TTC39B: variants seen among roughly 807,000 people sequenced by gnomAD.
TTC39B encodes the protein tetratricopeptide repeat protein 39B.
In TTC39B, 92 loss-of-function variants were observed where a neutral mutation model predicts 96.6. The observed-to-expected ratio is 0.95, with a 90% CI of 0.80 to 1.13. The LOEUF (loss-of-function observed/expected upper bound fraction) is 1.13, where lower values mean the gene tolerates loss of function less well. Among genes scored for constraint, TTC39B ranks in the 50% most tolerant of loss-of-function variants. The pLI is 0.00. For synonymous variants in TTC39B, 367 were observed against 299.4 expected (o/e 1.23, Z -2.33); for missense variants, 955 against 809.3 (o/e 1.18, Z -2.18).
chr9:15,272,968 A>G (rs889346650), intron 1 of TTC39B, among the ~76,000 whole-genome samples: 3 of 152,226 alleles, frequency 2.0e-5, no homozygotes, highest in African/African-American at 7.2e-5. Context: ...CCTCCAGATC[A>G]TAGAAACTGC....
At chr9:15,216,664 G>C (rs899154934) in intron 3 of TTC39B, among the ~76,000 whole-genome samples, 1 of 152,106 alleles carries the variant, frequency 6.6e-6, no homozygotes, top group Non-Finnish European at 1.5e-5. Flanking sequence ...GTTGCCTGGG[G>C]TCTATAGACC....
chr9:15,258,507 C>G (rs1822834470), intron 2 of TTC39B, among the ~76,000 whole-genome samples: 1 of 152,198 alleles, frequency 6.6e-6, no homozygotes, highest in Non-Finnish European at 1.5e-5. Flanking sequence ...GATTGGACCT[C>G]TTTCCCATTA....
intron 2 of TTC39B, among the ~76,000 whole-genome samples, chr9:15,243,015 A>C (rs1273710345): frequency 6.6e-6 from 1 of 152,202 alleles, no homozygotes; most frequent in Non-Finnish European, 1.5e-5. Flanking sequence ...GCACACCAAC[A>C]GTCCAGAAAT....
chr9:15,301,229 A>C (rs1824576367), intron 1 of TTC39B, among the ~76,000 whole-genome samples: 1 of 152,208 alleles, frequency 6.6e-6, no homozygotes, highest in South Asian at 2.1e-4. Flanking sequence ...TAGTGCAATT[A>C]CTGAAAGCGC....
chr9:15,300,891 CAAAAAA>C (rs71491658), intron 1 of TTC39B, among the ~76,000 whole-genome samples: 7 of 81,192 alleles, frequency 8.6e-5, no homozygotes, highest in East Asian at 1.0e-3. Context: ...AACTCCGTCT[CAAAAAA>C]AAAAAAAAAA....
chr9:15,207,569 G>C (rs914787285), intron 6 of TTC39B, among the ~76,000 whole-genome samples: 1 of 152,156 alleles, frequency 6.6e-6, no homozygotes, highest in Non-Finnish European at 1.5e-5. Context: ...GCTAGGTGGG[G>C]AATCCTGGCC....
At chr9:15,235,876 C>G (rs1245780456) in intron 2 of TTC39B, among the ~76,000 whole-genome samples, 4 of 152,120 alleles carry the variant, frequency 2.6e-5, no homozygotes, top group Non-Finnish European at 5.9e-5. Flanking sequence ...AAGTGCAAAG[C>G]TCACAGATCT....
chr9:15,170,512 T>C (rs1817613898), exon 20 of TTC39B: 1 of 152,144 alleles, frequency 6.6e-6, no homozygotes, highest in Non-Finnish European at 1.5e-5. Context: ...CAAAAAGCTA[T>C]CATATGTTTT....
chr9:15,164,229 A>G (rs1371261593), exon 20 of TTC39B: 3 of 152,244 alleles, frequency 2.0e-5, no homozygotes, highest in Non-Finnish European at 2.9e-5. Context: ...ATTGGAGACT[A>G]AAATGTAATG....
At chr9:15,179,405 T>C (rs186022818) in intron 17 of TTC39B, among the ~76,000 whole-genome samples, 371 of 152,242 alleles carry the variant, frequency 2.4e-3, no homozygotes, top group Non-Finnish European at 4.0e-3. Context: ...ACTATGGAGA[T>C]TAACAATGCT....
intron 13 of TTC39B, among the ~76,000 whole-genome samples, chr9:15,189,242 G>C (rs986010258): frequency 6.6e-6 from 1 of 152,150 alleles, no homozygotes; most frequent in African/African-American, 2.4e-5. Flanking sequence ...ACAGGGGCTA[G>C]ATTCCAAAGT....
At chr9:15,183,693 T>G (rs1426241310) in intron 16 of TTC39B, among the ~76,000 whole-genome samples, 2 of 152,170 alleles carry the variant, frequency 1.3e-5, no homozygotes, top group Non-Finnish European at 2.9e-5. Context: ...ACCTTCCCAG[T>G]GCAAATCACT....
In TTC39B at chr9:15,302,652, T is replaced by A. The variant is rs1824636816; in HGVS notation, c.240+4432A>T. 3.3e-5 allele frequency among the ~76,000 whole-genome samples: 5 copies of A among 149,376 alleles called. No homozygotes were observed. The Admixed American group carries it at 3.4e-4, about 10-fold the overall frequency. On this transcript the variant is annotated intron_variant, in intron 1 of 19. Coordinates refer to ENST00000512701, the Ensembl canonical transcript of TTC39B. ...TGAGGTCAGGAGTTCGAGACCGGCCTGGCCAACGTGCTGAAACTCTGTTTC... is the reference window on the plus strand; with the variant it reads ...TGAGGTCAGGAGTTCGAGACCGGCCAGGCCAACGTGCTGAAACTCTGTTTC...
chr9:15,290,630 G>A (rs1353535212), intron 1 of TTC39B, among the ~76,000 whole-genome samples: 1 of 152,232 alleles, frequency 6.6e-6, no homozygotes, highest in Non-Finnish European at 1.5e-5. Context: ...TACGTAAAAT[G>A]CAGATTTAAA....
At chr9:15,198,980 C>T (rs1795925365) in intron 8 of TTC39B, among the ~76,000 whole-genome samples, 2 of 152,128 alleles carry the variant, frequency 1.3e-5, no homozygotes, top group African/African-American at 4.8e-5. Context: ...AAGGTTAATT[C>T]ATTAGGAAGA....
At chr9:15,211,229 T>C in intron 5 of TTC39B, 37 bp downstream of exon 5, 1 of 1,414,228 alleles carries the variant, frequency 7.1e-7, no homozygotes, top group Non-Finnish European at 9.3e-7. Context: ...CATAAAAGTT[T>C]GCAGTCACAT....
exon 20 of TTC39B, chr9:15,170,009 A>G (rs1817598341): frequency 6.6e-6 from 1 of 152,118 alleles, no homozygotes; most frequent in Admixed American, 6.6e-5. Context: ...ATGTTACCAA[A>G]GCTCTTCTAA....
rs536470578 is a variant in TTC39B at position 15,293,583 on chromosome 9, G to A, written c.240+13501C>T. ...ACCTACTGAGCAAGAATCGCTGGCG[G>A]TGAGACACAGGGATGTGCATTGTAA... On this transcript the variant is annotated intron_variant, in intron 1 of 19. Transcript: ENST00000512701. Among the ~76,000 whole-genome samples, 11 of 147,698 alleles carry A rather than the reference G, an allele frequency of 7.4e-5. 1 individual carries two copies. In the South Asian group the frequency reaches 2.4e-3, roughly 32 times the overall value.
intron 8 of TTC39B, among the ~76,000 whole-genome samples, chr9:15,195,539 G>T (rs373827325): frequency 6.6e-6 from 1 of 151,580 alleles, no homozygotes; most frequent in Non-Finnish European, 1.5e-5. Context: ...GCACGGTGGC[G>T]CACACCTGTA....
Sources: gnomAD v4.1 joint callset for allele counts (sites outside exome capture counted in the v4.1 genomes callset) on GRCh38, gnomAD v4.1.1 for gene constraint, MANE v1.5 for transcripts, NCBI Gene and HGNC (gene_info 2026-07-23, HGNC 2026-07-21) for gene names.